The following CD244 variants were observed in gnomAD, a reference collection of about 807,000 sequenced individuals.
The protein encoded by CD244 is natural killer cell receptor 2B4.
Under a neutral mutation model 45.5 loss-of-function variants are expected in CD244, and 20 were observed. That is an observed-to-expected ratio of 0.44 (90% CI 0.31 to 0.64). The LOEUF (loss-of-function observed/expected upper bound fraction) is 0.64, where lower values mean the gene tolerates loss of function less well. Among genes scored for constraint, CD244 ranks in the 30% least tolerant of loss-of-function variants. The pLI is 0.08. For missense variants in CD244, 407 were observed against 426.9 expected (o/e 0.95, Z 0.41); for synonymous variants, 185 against 160.5 (o/e 1.15, Z -1.15).
intron 8 of CD244, among the ~76,000 whole-genome samples, chr1:160,832,257 C>T (rs1310421399): frequency 6.6e-6 from 1 of 152,114 alleles, no homozygotes; most frequent in Non-Finnish European, 1.5e-5. Flanking sequence ...TGGGAACTAG[C>T]TCGGGGACGG....
At position 160,830,478 on chromosome 1, in the gene CD244, C is replaced by CA. The variant is rs1669073613; in HGVS notation, c.*868dup. 1 of 152,386 alleles carries CA rather than the reference C, an allele frequency of 6.6e-6. No homozygotes were observed. 9.4% of individuals were successfully genotyped at this position (152,386 alleles called of 1,614,324 possible). On this transcript the variant is annotated 3_prime_UTR_variant, in exon 9 of 9. Transcript: ENST00000368034. ...CCCTCAGCTGCCTGAGCCCTCCCTT[C>CA]AATGTGCATCCTGGGGAACACTCAT...
In CD244 at chr1:160,858,912, T is replaced by C. The variant is rs543038521; in HGVS notation, c.61+3705A>G. Among the ~76,000 whole-genome samples the C allele has an allele frequency of 2.2e-4, 34 of 152,262 alleles. No individual in the cohort carries two copies. In the East Asian group the frequency reaches 6.2e-3, roughly 28 times the overall value. ...GACTTGTGGCAGGTACTGCTCTAGA[T>C]GTTGAGGAGACAACGGTGAGCAAAA... On this transcript the variant is annotated intron_variant, in intron 1 of 8. Transcript: ENST00000368034.
chr1:160,837,143 G>C (rs538336540), intron 5 of CD244, among the ~76,000 whole-genome samples: 2 of 152,314 alleles, frequency 1.3e-5, no homozygotes, highest in African/African-American at 4.8e-5. Flanking sequence ...TTGGAGCCCT[G>C]AGACAATAGG....
At chr1:160,837,425 C>T (rs1669372064) in intron 5 of CD244, among the ~76,000 whole-genome samples, 1 of 152,206 alleles carries the variant, frequency 6.6e-6, no homozygotes, top group Admixed American at 6.5e-5. Flanking sequence ...TTATTATTCA[C>T]ATTCCAATAG....
At chr1:160,859,308 T>A (rs1670212506) in intron 1 of CD244, among the ~76,000 whole-genome samples, 1 of 152,188 alleles carries the variant, frequency 6.6e-6, no homozygotes, top group African/African-American at 2.4e-5. Flanking sequence ...GAGGAGTGGG[T>A]CTTGGACGCC....
At chr1:160,842,420 T>C (rs1669575660) in intron 1 of CD244, among the ~76,000 whole-genome samples, 1 of 152,106 alleles carries the variant, frequency 6.6e-6, no homozygotes, top group Admixed American at 6.5e-5. Flanking sequence ...TTGTTTACTC[T>C]TTGTAAAGAC....
intron 1 of CD244, among the ~76,000 whole-genome samples, chr1:160,849,454 C>T (rs1251922009): frequency 6.6e-6 from 1 of 151,994 alleles, no homozygotes; most frequent in Non-Finnish European, 1.5e-5. Context: ...CTCCCCTTGC[C>T]CCTCACCCAC....
chr1:160,851,509 A>C (rs1669918271), intron 1 of CD244, among the ~76,000 whole-genome samples: 1 of 152,240 alleles, frequency 6.6e-6, no homozygotes, highest in Non-Finnish European at 1.5e-5. Context: ...AAAAACCTTG[A>C]TATCTCCCTC....
Position 160,836,272 on chromosome 1 carries a change from A to G in CD244, c.835-18T>C, listed in dbSNP as rs1669329402. 1.2e-6 allele frequency: 2 copies of G among 1,601,838 alleles called. No homozygotes were observed. The highest frequency in any genetic ancestry group is 1.7e-6 in the Non-Finnish European group (2 of 1,169,076). ...TCCTGCTCCTGCACAAGAAATGGAG[A>G]TGGGGTAACATGAGCGACAGTTCGG... On this transcript the variant is annotated intron_variant, in intron 5 of 8. Transcript: ENST00000368034.
intron 1 of CD244, among the ~76,000 whole-genome samples, chr1:160,845,870 G>GA (rs906267137): frequency 7.5e-5 from 11 of 145,720 alleles, no homozygotes; most frequent in Admixed American, 4.1e-4. Flanking sequence ...AAAAAAAAAA[G>GA]AAAAAAAACA....
At chr1:160,838,417 G>A (rs759411234) in intron 5 of CD244, 34 bp downstream of exon 5, 1 of 1,510,498 alleles carries the variant, frequency 6.6e-7, no homozygotes, top group Non-Finnish European at 9.2e-7. Context: ...TTCCAAGCCA[G>A]CTGAGAGAGA....
chr1:160,862,500 G>A (rs1051660006), intron 1 of CD244, 117 bp downstream of exon 1: 22 of 825,060 alleles, frequency 2.7e-5, no homozygotes, highest in Admixed American at 4.5e-5. Flanking sequence ...GGAGCTGCTC[G>A]GAGTCAAGTT....
chr1:160,832,787 T>C, intron 7 of CD244: 1 of 1,028,070 alleles, frequency 9.7e-7, no homozygotes, highest in Non-Finnish European at 1.4e-6. Flanking sequence ...TTGCCTATAA[T>C]ATGATATTTC....
chr1:160,843,238 A>G (rs1301364160), intron 1 of CD244, among the ~76,000 whole-genome samples: 1 of 152,188 alleles, frequency 6.6e-6, no homozygotes, highest in East Asian at 1.9e-4. Context: ...GTTCCCATTT[A>G]TATTTATATG....
At chr1:160,837,397 G>C (rs574595410) in intron 5 of CD244, among the ~76,000 whole-genome samples, 1 of 152,328 alleles carries the variant, frequency 6.6e-6, no homozygotes, top group East Asian at 1.9e-4. Flanking sequence ...GTAGCAGTGA[G>C]AGAAACAAAG....
chr1:160,841,797 A>G lies in CD244; in HGVS notation c.166T>C (p.Leu56=), dbSNP rs1669554427. 2 of 1,614,042 alleles carry G rather than the reference A, an allele frequency of 1.2e-6. No individual in the cohort carries two copies. The highest frequency in any genetic ancestry group is 1.1e-5 in the South Asian group (1 of 91,078). The change falls in exon 2 of 9, where the codon TTG becomes CTG. Residue 56 remains leucine (L), a synonymous_variant. Transcript: ENST00000368034. ...TKVDSIAWKK[L]LPSQNGFHHI... is the part of the protein sequence containing the mutation. ...TGAAATCCATTTTGTGAGGGCAGCA[A>G]CTTCTTCCATGCAATGCTGTCAACC...
intron 3 of CD244, 63 bp downstream of exon 3, chr1:160,841,143 TGCAC>T: frequency 6.7e-7 from 1 of 1,488,466 alleles, no homozygotes; most frequent in African/African-American, 1.4e-5. Context: ...ACATCTGTCT[TGCAC>T]ATGAGCCTGG....
Position 160,836,377 on chromosome 1 carries a change from A to T in CD244, c.835-123T>A. On this transcript the variant is annotated intron_variant, in intron 5 of 8. Coordinates refer to ENST00000368034, the MANE Select transcript of CD244 (RefSeq NM_016382.4). ...AGGAGACTGGGAGGGAGGTGGCAGG[A>T]CTGGGGAGAGTCATTGATCCTCCCA... The T allele has an allele frequency of 1.6e-5, 12 of 738,158 alleles. No homozygotes were observed. In the South Asian group the frequency reaches 1.8e-4, roughly 11 times the overall value. The allele number at this position is 738,158 out of a possible 1,614,324, so 45.7% of individuals were successfully genotyped here. A position where few individuals can be genotyped will look rare whatever the true frequency, so the allele number is the denominator to read the frequency against.
Position 160,832,500 on chromosome 1 carries a change from A to T in CD244, c.1017+19T>A. ...TATGCAACAGACAGTAAACCCATTGAGGAGTTCCAGAATCTTACCACTTCA... is the reference window on the plus strand; with the variant it reads ...TATGCAACAGACAGTAAACCCATTGTGGAGTTCCAGAATCTTACCACTTCA... On this transcript the variant is annotated intron_variant, in intron 8 of 8. Coordinates refer to ENST00000368034, the MANE Select transcript of CD244 (RefSeq NM_016382.4). 6.6e-7 allele frequency: 1 copy of T among 1,512,910 alleles called. No homozygotes were observed. The highest frequency in any genetic ancestry group is 9.1e-7 in the Non-Finnish European group (1 of 1,100,578). 93.7% of individuals were successfully genotyped at this position (1,512,910 alleles called of 1,614,324 possible). A position where few individuals can be genotyped will look rare whatever the true frequency, so the allele number is the denominator to read the frequency against.
Sources: gnomAD v4.1 joint callset for allele counts (sites outside exome capture counted in the v4.1 genomes callset) on GRCh38, gnomAD v4.1.1 for gene constraint, MANE v1.5 for transcripts, NCBI Gene and HGNC (gene_info 2026-07-23, HGNC 2026-07-21) for gene names.